NYAP2: variants seen among roughly 807,000 people sequenced by gnomAD.
The protein encoded by NYAP2 is neuronal tyrosine-phosphorylated phosphoinositide-3-kinase adapter 2.
A neutral mutation model predicts 50.4 loss-of-function variants in NYAP2; 23 were observed. The ratio of observed to expected loss-of-function variants is 0.46; its 90% CI spans 0.33 to 0.65. NYAP2 has a LOEUF of 0.65. Among genes scored for constraint, NYAP2 ranks in the 30% least tolerant of loss-of-function variants. The probability of loss-of-function intolerance (pLI) is 0.02; values close to 1 mark genes in which losing one functional copy is unlikely to be tolerated. For synonymous variants in NYAP2, 394 were observed against 365.2 expected (o/e 1.08, Z -0.90); for missense variants, 885 against 861.0 (o/e 1.03, Z -0.35).
chr2:225,496,685 A>G (rs1690511776), intron 3 of NYAP2, among the ~76,000 whole-genome samples: 1 of 152,124 alleles, frequency 6.6e-6, no homozygotes, highest in Non-Finnish European at 1.5e-5. Flanking sequence ...CTTTCCAATA[A>G]GGAAGCTGTG....
At chr2:225,616,957 A>C (rs1419308723) in intron 5 of NYAP2, among the ~76,000 whole-genome samples, 3 of 152,196 alleles carry the variant, frequency 2.0e-5, no homozygotes, top group African/African-American at 7.2e-5. Context: ...CAGCAGTTGG[A>C]GTAGCATGCA....
rs1694990184 is a variant in NYAP2 at position 225,409,165 on chromosome 2, G to A, written c.221+64G>A. On this transcript the variant is annotated intron_variant, in intron 3 of 6. Coordinates refer to ENST00000636099, the Ensembl canonical transcript of NYAP2. ...GAGAAAGTCCATGAGGGCTGCTAAAGTTGTGATGTTGTCACTTGGTCAGAA... is the reference window on the plus strand; with the variant it reads ...GAGAAAGTCCATGAGGGCTGCTAAAATTGTGATGTTGTCACTTGGTCAGAA... 7 of 1,197,762 alleles carry A rather than the reference G, an allele frequency of 5.8e-6. No individual in the cohort carries two copies. The South Asian group carries it at 7.2e-5, about 12-fold the overall frequency. The allele number at this position is 1,197,762 out of a possible 1,614,324, so 74.2% of individuals were successfully genotyped here.
intron 3 of NYAP2, among the ~76,000 whole-genome samples, chr2:225,441,937 A>G (rs922956732): frequency 3.3e-5 from 5 of 152,222 alleles, no homozygotes; most frequent in African/African-American, 9.6e-5. Flanking sequence ...CTCAGTGCCT[A>G]GTAAACAGTC....
chr2:225,520,150 T>A (rs900111868), intron 4 of NYAP2, among the ~76,000 whole-genome samples: 1 of 152,238 alleles, frequency 6.6e-6, no homozygotes, highest in African/African-American at 2.4e-5. Flanking sequence ...TTGTTTGAGT[T>A]CATCGTAGAT....
At chr2:225,613,773 G>A (rs1204185172) in intron 5 of NYAP2, among the ~76,000 whole-genome samples, 1 of 152,026 alleles carries the variant, frequency 6.6e-6, no homozygotes, top group East Asian at 1.9e-4. Context: ...AATCATTAAT[G>A]TTTTTAATAG....
At chr2:225,490,483 G>C in intron 3 of NYAP2, among the ~76,000 whole-genome samples, 1 of 152,150 alleles carries the variant, frequency 6.6e-6, no homozygotes, top group East Asian at 1.9e-4. Context: ...AAAGACTGGG[G>C]ATTTTCCTTG....
At chr2:225,410,843 A>G (rs146987130) in intron 3 of NYAP2, among the ~76,000 whole-genome samples, 2,017 of 152,270 alleles carry the variant, frequency 0.013, 30 homozygotes, top group Non-Finnish European at 0.018. Flanking sequence ...CTAAAGTCCA[A>G]GGGACTTAGG....
intron 3 of NYAP2, among the ~76,000 whole-genome samples, chr2:225,476,412 CAA>C (rs61496030): frequency 3.1e-4 from 30 of 97,344 alleles, no homozygotes; most frequent in East Asian, 3.0e-4. Context: ...GACTCTGTCT[CAA>C]AAAAAAAAAA....
chr2:225,683,575 T>G, the NYAP2 span, among the ~76,000 whole-genome samples: 1 of 152,188 alleles, frequency 6.6e-6, no homozygotes, highest in Non-Finnish European at 1.5e-5. Flanking sequence ...AGACTTTTAG[T>G]TGAGACACCA....
At chr2:225,607,469 CT>C (rs1290044084) in intron 5 of NYAP2, among the ~76,000 whole-genome samples, 3 of 152,056 alleles carry the variant, frequency 2.0e-5, no homozygotes, top group Non-Finnish European at 4.4e-5. Context: ...AAGTTGTTAG[CT>C]TTATGTTAAT....
intron 3 of NYAP2, among the ~76,000 whole-genome samples, chr2:225,435,135 T>G (rs1218478260): frequency 6.6e-6 from 1 of 152,196 alleles, no homozygotes; most frequent in East Asian, 1.9e-4. Flanking sequence ...TTTGCTTTTT[T>G]CGGTGACACT....
intron 4 of NYAP2, among the ~76,000 whole-genome samples, chr2:225,521,765 G>T (rs937309025): frequency 2.0e-5 from 3 of 151,982 alleles, no homozygotes; most frequent in Admixed American, 6.6e-5. Flanking sequence ...CTTGGCTTTG[G>T]TATCAGGATG....
At chr2:225,583,146 A>G (rs1692329878) in intron 5 of NYAP2, 111 bp downstream of exon 5, 3 of 1,287,920 alleles carry the variant, frequency 2.3e-6, no homozygotes, top group African/African-American at 1.5e-5. Context: ...GAGGCCTTGG[A>G]GTTGAAATCT....
rs150977656 is a variant in NYAP2 at position 225,629,865 on chromosome 2, C to T, written c.1828+2739C>T. Among the ~76,000 whole-genome samples, 418 of 152,278 alleles carry T rather than the reference C, an allele frequency of 2.7e-3. 5 individuals are homozygous for T. Among genetic ancestry groups the T allele is most frequent in the African/African-American group, 9.8e-3 (406 of 41,550 alleles). On this transcript the variant is annotated intron_variant, in intron 6 of 6. Transcript: ENST00000636099. Reference sequence around the variant, plus strand: ...ACCCCTCCCACTAGGCCCCACCTCCCAACACTGCTGCATTGGGGATGAGAT... The same window carrying T: ...ACCCCTCCCACTAGGCCCCACCTCCTAACACTGCTGCATTGGGGATGAGAT...
rs561683883 is a variant in NYAP2 at position 225,568,861 on chromosome 2, T to C, written c.524-13080T>C. Among the ~76,000 whole-genome samples, 10 of 152,286 alleles carry C rather than the reference T, an allele frequency of 6.6e-5. No homozygotes were observed. The East Asian group carries it at 1.4e-3, about 21-fold the overall frequency. On this transcript the variant is annotated intron_variant, in intron 4 of 6. Coordinates refer to ENST00000636099, the Ensembl canonical transcript of NYAP2. Reference sequence around the variant, plus strand: ...AGAAGTCAGCATTGTATAGGAGATATAGAGGTTGAGAGGGAAAGCTTTCCC... The same window carrying C: ...AGAAGTCAGCATTGTATAGGAGATACAGAGGTTGAGAGGGAAAGCTTTCCC...
chr2:225,438,289 A>G (rs2106138812), intron 3 of NYAP2, among the ~76,000 whole-genome samples: 1 of 152,338 alleles, frequency 6.6e-6, no homozygotes, highest in African/African-American at 2.4e-5. Context: ...GCCATGGACA[A>G]ACTCAGGAAC....
At chr2:225,543,352 TTA>T (rs1691509353) in intron 4 of NYAP2, among the ~76,000 whole-genome samples, 1 of 151,964 alleles carries the variant, frequency 6.6e-6, no homozygotes, top group African/African-American at 2.4e-5. Context: ...TTTAGGTAAT[TTA>T]TTTGAAGTTT....
At chr2:225,660,643 C>T in the NYAP2 span, among the ~76,000 whole-genome samples, 2 of 151,944 alleles carry the variant, frequency 1.3e-5, no homozygotes, top group Admixed American at 6.6e-5. Context: ...GGATACATGG[C>T]GCCACCTAGC....
chr2:225,652,699 C>T (rs1298010722), exon 7 of NYAP2: 1 of 152,156 alleles, frequency 6.6e-6, no homozygotes, highest in African/African-American at 2.4e-5. Context: ...ACTTATAAAA[C>T]ACTGATGATA....
Sources: gnomAD v4.1 joint callset for allele counts (sites outside exome capture counted in the v4.1 genomes callset) on GRCh38, gnomAD v4.1.1 for gene constraint, MANE v1.5 for transcripts, NCBI Gene and HGNC (gene_info 2026-07-23, HGNC 2026-07-21) for gene names.